The following ABR variants were observed in gnomAD, a reference collection of about 807,000 sequenced individuals.
ABR encodes ABR activator of RhoGEF and GTPase, also known as active breakpoint cluster region-related protein.
ABR carries 35 observed loss-of-function variants against 107.2 expected under a neutral mutation model. That is an observed-to-expected ratio of 0.33 (90% CI 0.25 to 0.43). The LOEUF (loss-of-function observed/expected upper bound fraction) is 0.43. Among genes scored for constraint, ABR ranks in the 20% least tolerant of loss-of-function variants. The pLI, the probability that ABR is intolerant of heterozygous loss-of-function variation, is 1.00. For missense variants in ABR, 815 were observed against 1,115.2 expected, an observed-to-expected ratio of 0.73 and a Z score of 3.83; for synonymous variants, 498 against 462.0, an observed-to-expected ratio of 1.08 and a Z score of -1.00.
chr17:1,139,112 T>C (rs1372176703), intron 1 of ABR, among the ~76,000 whole-genome samples: 1 of 152,332 alleles, frequency 6.6e-6, no homozygotes, highest in Admixed American at 6.5e-5. Context: ...GGAATTTCTC[T>C]TTCTTTTTTC....
chr17:1,024,024 C>CAAAAAAAAAAAA (rs11334940), intron 16 of ABR, among the ~76,000 whole-genome samples: 9 of 47,678 alleles, frequency 1.9e-4, no homozygotes, highest in Non-Finnish European at 2.3e-4. Flanking sequence ...GACTCCATCT[C>CAAAAAAAAAAAA]AAAAAAAAAA....
intron 6 of ABR, among the ~76,000 whole-genome samples, chr17:1,075,756 G>A (rs951873051): frequency 7.9e-5 from 12 of 152,088 alleles, no homozygotes; most frequent in African/African-American, 2.7e-4. Flanking sequence ...ATATAGAGAC[G>A]AGGGGCCGGG....
At chr17:1,015,397 G>C (rs974525855) in intron 16 of ABR, among the ~76,000 whole-genome samples, 2 of 140,010 alleles carry the variant, frequency 1.4e-5, no homozygotes, top group African/African-American at 5.5e-5. Flanking sequence ...CCAGCCTGGC[G>C]ACAGAGTGAG....
At chr17:1,018,196 C>T (rs1040581571) in intron 16 of ABR, among the ~76,000 whole-genome samples, 1 of 152,046 alleles carries the variant, frequency 6.6e-6, no homozygotes, top group Non-Finnish European at 1.5e-5. Flanking sequence ...GCGCCCGCCA[C>T]CACCCCCGGC....
intron 16 of ABR, among the ~76,000 whole-genome samples, chr17:1,016,385 C>T (rs576489040): frequency 2.7e-5 from 4 of 150,082 alleles, no homozygotes; most frequent in South Asian, 2.1e-4. Flanking sequence ...GGTGCAGTCT[C>T]GGCTCACTGC....
intron 1 of ABR, among the ~76,000 whole-genome samples, chr17:1,194,233 G>A (rs537869344): frequency 6.6e-6 from 1 of 151,182 alleles, no homozygotes; most frequent in Non-Finnish European, 1.5e-5. Context: ...TGTCGCCCAG[G>A]CTGGAGTGCA....
At chr17:1,120,649 G>C (rs1360511095) in intron 2 of ABR, among the ~76,000 whole-genome samples, 1 of 148,460 alleles carries the variant, frequency 6.7e-6, no homozygotes, top group African/African-American at 2.4e-5. Context: ...CTAATCCCCT[G>C]TTTCGATTTT....
At chr17:1,021,792 GAAA>G (rs35845220) in intron 16 of ABR, among the ~76,000 whole-genome samples, 1 of 129,044 alleles carries the variant, frequency 7.7e-6, no homozygotes, top group African/African-American at 2.9e-5. Context: ...CCTGGCGGCA[GAAA>G]AAAAAAAAAA....
At chr17:1,018,193 C>T (rs866260291) in intron 16 of ABR, among the ~76,000 whole-genome samples, 4 of 152,044 alleles carry the variant, frequency 2.6e-5, no homozygotes, top group East Asian at 1.9e-4. Context: ...CAGGCGCCCG[C>T]CACCACCCCC....
At chr17:1,218,324 T>C (rs2150753799) in intron 1 of ABR, among the ~76,000 whole-genome samples, 1 of 152,366 alleles carries the variant, frequency 6.6e-6, no homozygotes, top group South Asian at 2.1e-4. Flanking sequence ...AAAGCCAGGC[T>C]CTTAACCTTA....
At position 1,012,996 on chromosome 17, in the gene ABR, G is replaced by A. The variant is rs577232327; in HGVS notation, c.1851+109C>T. 2.1e-4 allele frequency: 294 copies of A among 1,371,724 alleles called. 1 individual carries two copies. Among genetic ancestry groups the A allele is most frequent in the African/African-American group, 2.9e-4 (20 of 69,762 alleles). 85.0% of individuals were successfully genotyped at this position (1,371,724 alleles called of 1,614,324 possible). A position where few individuals can be genotyped will look rare whatever the true frequency, so the allele number is the denominator to read the frequency against. ...GAGGGGGCTGGGCTGCGGGGAGGTCGAGGCGGCACAGCGGCCCCAGGAGCA... is the reference window on the plus strand; with the variant it reads ...GAGGGGGCTGGGCTGCGGGGAGGTCAAGGCGGCACAGCGGCCCCAGGAGCA... On this transcript the variant is annotated intron_variant, in intron 17 of 22. Transcript: ENST00000302538.
At position 1,134,477 on chromosome 17, in the gene ABR, T is replaced by G. The variant is rs534747074; in HGVS notation, c.62-9110A>C. Among the ~76,000 whole-genome samples the G allele has an allele frequency of 3.0e-4, 45 of 152,308 alleles. 1 individual carries two copies. Among genetic ancestry groups the G allele is most frequent in the African/African-American group, 1.0e-3 (42 of 41,576 alleles). On this transcript the variant is annotated intron_variant, in intron 1 of 22. Transcript: ENST00000302538. ...TAAAAGAACAGAGCCATTTCCCTCA[T>G]GCTGTTCAGCTGAGCCACACTAGGA...
rs35382958 is a variant in ABR at position 1,050,555 on chromosome 17, C to T, written c.1641G>A (p.Ala547=). The change falls in exon 15 of 23, where the codon GCG becomes GCA. Residue 547 remains alanine (A), a synonymous_variant. Transcript: ENST00000302538. The surrounding 1 kb of genome is among the most constrained non-coding windows in gnomAD (Gnocchi z 4.6). The stretch of plus-strand genomic sequence containing the variant: ...CACTCACCTCATCCCACTTGGGCTC[C>T]GCTGTGTCCCGGAACACCCTGGTTT... ...KAKTRVFRDT[A]EPKWDEEFEI... The T allele has an allele frequency of 8.6e-4, 1,381 of 1,613,976 alleles. 15 individuals are homozygous for T. In the African/African-American group the frequency reaches 0.015, roughly 17 times the overall value.
rs1240372724 is a variant in ABR at position 1,102,836 on chromosome 17, G to A, written c.247-2101C>T. Among the ~76,000 whole-genome samples, 4 of 152,150 alleles carry A rather than the reference G, an allele frequency of 2.6e-5. No individual in the cohort carries two copies. In the South Asian group the frequency reaches 6.2e-4, roughly 24 times the overall value. ...AGCGATTCTCCTGCCTCAGCCTCCC[G>A]AGTACCTGGGATTACAGGCGTCCAC... On this transcript the variant is annotated intron_variant, in intron 2 of 22. Transcript: ENST00000302538.
intron 16 of ABR, among the ~76,000 whole-genome samples, chr17:1,044,920 A>G (rs1200640740): frequency 6.6e-6 from 1 of 152,208 alleles, no homozygotes; most frequent in African/African-American, 2.4e-5. Flanking sequence ...GCTCTATACC[A>G]AGATTTCTAC....
At chr17:1,039,262 G>A (rs916144506) in intron 16 of ABR, among the ~76,000 whole-genome samples, 2 of 152,154 alleles carry the variant, frequency 1.3e-5, no homozygotes, top group African/African-American at 2.4e-5. Flanking sequence ...CTTCCCAGGG[G>A]TGGAGGGGAG....
Position 1,219,062 on chromosome 17 carries a change from T to TTTGTTTGTTTGA in ABR, c.838+9730_838+9731insTCAAACAAACAA, listed in dbSNP as rs57849007. Among the ~76,000 whole-genome samples the TTTGTTTGTTTGA allele has an allele frequency of 5.8e-4, 84 of 143,906 alleles. 13 individuals are homozygous for TTTGTTTGTTTGA. The highest frequency in any genetic ancestry group is 1.4e-3 in the African/African-American group (56 of 39,258). The allele number at this position is 143,906 out of a possible 152,430, so 94.4% of individuals were successfully genotyped here. On this transcript the variant is annotated intron_variant, in intron 1 of 22. Transcript: ENST00000574139. ...GTTTGTTTGTTTGTTTGTTTGTTTG[T>TTTGTTTGTTTGA]AACAGAGTCTCACTCTGTTGTCCAG...
chr17:1,138,143 A>G (rs2040156486), intron 1 of ABR, among the ~76,000 whole-genome samples: 1 of 151,424 alleles, frequency 6.6e-6, no homozygotes, highest in Admixed American at 6.6e-5. Flanking sequence ...ACCTCAGGTG[A>G]TCCACCCGCC....
intron 1 of ABR, among the ~76,000 whole-genome samples, chr17:1,208,701 A>G (rs2042845209): frequency 6.6e-6 from 1 of 152,102 alleles, no homozygotes; most frequent in African/African-American, 2.4e-5. Flanking sequence ...ATCCTGGCTA[A>G]CACGGTGAAA....
Sources: allele counts gnomAD v4.1 joint callset (sites outside exome capture counted in the v4.1 genomes callset), GRCh38; gene constraint gnomAD v4.1.1; non-coding constraint Gnocchi (gnomAD v3.1); transcripts MANE v1.5; gene names NCBI Gene and HGNC (gene_info 2026-07-23, HGNC 2026-07-21).